Variants in CADPS observed in about 807,000 individuals in gnomAD.
CADPS encodes the protein calcium-dependent secretion activator 1.
CADPS carries 57 observed loss-of-function variants against 167.3 expected under a neutral mutation model. The ratio of observed to expected loss-of-function variants is 0.34; its 90% CI spans 0.28 to 0.42. The LOEUF is 0.42. Among genes scored for constraint, CADPS ranks in the 20% least tolerant of loss-of-function variants. The pLI is 1.00. For missense variants in CADPS, 1,414 were observed against 1,738.1 expected (o/e 0.81, Z 3.32); for synonymous variants, 676 against 635.3 (o/e 1.06, Z -0.96).
chr3:62,451,873 G>A (rs1290429328), intron 26 of CADPS, among the ~76,000 whole-genome samples: 1 of 152,006 alleles, frequency 6.6e-6, no homozygotes, highest in Admixed American at 6.5e-5. Flanking sequence ...AGATTTTTTT[G>A]TGTGTCAAGG....
chr3:62,525,060 T>A (rs1466984859), intron 13 of CADPS, among the ~76,000 whole-genome samples: 1 of 152,184 alleles, frequency 6.6e-6, no homozygotes, highest in African/African-American at 2.4e-5. Flanking sequence ...TGAAAATATG[T>A]TTTTGTACCA....
intron 1 of CADPS, among the ~76,000 whole-genome samples, chr3:62,795,768 T>C (rs1257670115): frequency 6.6e-6 from 1 of 152,188 alleles, no homozygotes; most frequent in Non-Finnish European, 1.5e-5. Context: ...CTACTGGTAT[T>C]ATGGACCACA....
At chr3:62,539,526 A>T (rs1229056070) in intron 11 of CADPS, among the ~76,000 whole-genome samples, 6 of 117,402 alleles carry the variant, frequency 5.1e-5, no homozygotes, top group South Asian at 2.6e-4. Context: ...ATTATGTTAT[A>T]AAAAAAAAAA....
intron 28 of CADPS, among the ~76,000 whole-genome samples, chr3:62,416,084 A>G (rs1057374153): frequency 6.6e-6 from 1 of 152,122 alleles, no homozygotes; most frequent in African/African-American, 2.4e-5. Context: ...TGCCCTATTT[A>G]ATGTCAGAAA....
At chr3:62,567,236 T>G (rs2152426155) in intron 9 of CADPS, among the ~76,000 whole-genome samples, 1 of 152,212 alleles carries the variant, frequency 6.6e-6, no homozygotes, top group Non-Finnish European at 1.5e-5. Context: ...TATCAAAAGT[T>G]CTCAGAAATC....
At chr3:62,402,592 G>T (rs1034326030) in intron 29 of CADPS, among the ~76,000 whole-genome samples, 1 of 152,154 alleles carries the variant, frequency 6.6e-6, no homozygotes, top group Non-Finnish European at 1.5e-5. Flanking sequence ...TTGTATACAC[G>T]CATTGTAAGA....
chr3:62,677,618 C>T (rs2076532563), intron 3 of CADPS, among the ~76,000 whole-genome samples: 1 of 152,038 alleles, frequency 6.6e-6, no homozygotes, highest in Admixed American at 6.6e-5. Context: ...GTCATTGGTG[C>T]TGAGGCTGAG....
intron 4 of CADPS, among the ~76,000 whole-genome samples, chr3:62,652,618 C>G (rs1223717660): frequency 6.6e-6 from 1 of 150,662 alleles, no homozygotes; most frequent in Non-Finnish European, 1.5e-5. Context: ...CAGGTCAAAG[C>G]AGAATAAGAC....
At chr3:62,739,835 T>C (rs1454524315) in intron 3 of CADPS, among the ~76,000 whole-genome samples, 2 of 152,232 alleles carry the variant, frequency 1.3e-5, no homozygotes, top group African/African-American at 4.8e-5. Flanking sequence ...AAGGAAGAGA[T>C]TTCCGATTAG....
chr3:62,622,122 T>C (rs1301540407), intron 6 of CADPS, among the ~76,000 whole-genome samples: 2 of 152,128 alleles, frequency 1.3e-5, no homozygotes, highest in Non-Finnish European at 2.9e-5. Flanking sequence ...TTCACTGGTT[T>C]CCTGGGTTGG....
intron 3 of CADPS, among the ~76,000 whole-genome samples, chr3:62,743,069 TGA>T (rs1564560123): frequency 6.6e-6 from 1 of 152,004 alleles, no homozygotes; most frequent in Admixed American, 6.6e-5. Flanking sequence ...AAAACCACAA[TGA>T]GATACCATCT....
At chr3:62,530,717 TC>T in intron 13 of CADPS, 1 of 1,289,250 alleles carries the variant, frequency 7.8e-7, no homozygotes, top group African/African-American at 1.5e-5. Flanking sequence ...CTTTTTGGTA[TC>T]TTTTTTAGCT....
chr3:62,840,070 T>A (rs530406682), intron 1 of CADPS, among the ~76,000 whole-genome samples: 1 of 152,272 alleles, frequency 6.6e-6, no homozygotes, highest in South Asian at 2.1e-4. Flanking sequence ...CTAACAAAGA[T>A]TAAATTTGAT....
intron 3 of CADPS, among the ~76,000 whole-genome samples, chr3:62,721,927 T>C (rs1196832508): frequency 1.3e-5 from 2 of 152,168 alleles, no homozygotes; most frequent in East Asian, 3.9e-4. Context: ...GTTCAAAACA[T>C]GATGCTAATG....
In CADPS at chr3:62,753,800, C is replaced by CA. The variant is rs1204875023; in HGVS notation, c.556-28dup. On this transcript the variant is annotated intron_variant, in intron 2 of 29. Coordinates refer to ENST00000383710, the MANE Select transcript of CADPS (RefSeq NM_003716.4). This position sits in a 1 kb window ranked among gnomAD's most constrained non-coding sequence, Gnocchi z 4.6. Reference sequence around the variant, plus strand: ...TGAGCAAGAACAAGGCCAGGAAAGACAGTAGGAGAGTTTACCACAGAGGTA... The same window carrying CA: ...TGAGCAAGAACAAGGCCAGGAAAGACAAGTAGGAGAGTTTACCACAGAGGTA... 1.9e-6 allele frequency: 3 copies of CA among 1,589,078 alleles called. No individual in the cohort carries two copies. The highest frequency in any genetic ancestry group is 1.7e-6 in the Non-Finnish European group (2 of 1,165,640).
chr3:62,633,846 T>C (rs1012440507), intron 6 of CADPS, among the ~76,000 whole-genome samples: 2 of 152,192 alleles, frequency 1.3e-5, no homozygotes, highest in Admixed American at 6.5e-5. Context: ...AATAAACTTC[T>C]GAGGGTACAA....
intron 1 of CADPS, among the ~76,000 whole-genome samples, chr3:62,798,441 G>A (rs2093576189): frequency 6.6e-6 from 1 of 152,108 alleles, no homozygotes; most frequent in Non-Finnish European, 1.5e-5. Flanking sequence ...CACCAGTGAA[G>A]CCTGCACTGT....
intron 2 of CADPS, among the ~76,000 whole-genome samples, chr3:62,760,674 C>T (rs2085179227): frequency 6.6e-6 from 1 of 152,112 alleles, no homozygotes; most frequent in Non-Finnish European, 1.5e-5. Context: ...ATGGATGTAC[C>T]TGTTTATCAT....
At chr3:62,749,371 G>T (rs925465424) in intron 3 of CADPS, among the ~76,000 whole-genome samples, 1 of 152,188 alleles carries the variant, frequency 6.6e-6, no homozygotes, top group Non-Finnish European at 1.5e-5. Context: ...TAAAGAGAGA[G>T]CATGGGAACT....
Sources: allele counts gnomAD v4.1 joint callset (sites outside exome capture counted in the v4.1 genomes callset), GRCh38; gene constraint gnomAD v4.1.1; non-coding constraint Gnocchi (gnomAD v3.1); transcripts MANE v1.5; gene names NCBI Gene and HGNC (gene_info 2026-07-23, HGNC 2026-07-21).